The following SCRG1 variants were observed in gnomAD, a reference collection of about 807,000 sequenced individuals.
SCRG1 encodes scrapie-responsive protein 1.
In SCRG1, 3 loss-of-function variants were observed where a neutral mutation model predicts 7.7. The ratio of observed to expected loss-of-function variants is 0.39; its 90% confidence interval spans 0.18 to 1.01. SCRG1 has a LOEUF of 1.01. Among genes scored for constraint, SCRG1 ranks in the 50% least tolerant of loss-of-function variants. The pLI, the probability that SCRG1 is intolerant of heterozygous loss-of-function variation, is 0.36. For missense variants in SCRG1, 110 were observed against 117.2 expected, an observed-to-expected ratio of 0.94 and a Z score of 0.28; for synonymous variants, 46 against 41.2, an observed-to-expected ratio of 1.12 and a Z score of -0.44.
chr4:173,405,132 G>A (rs4696072), intron 1 of SCRG1, among the ~76,000 whole-genome samples: 65,980 of 151,974 alleles, frequency 0.43, 14,961 homozygotes, highest in South Asian at 0.54. Context: ...TTTAGTTGTA[G>A]TGTCTCTTCA....
the SCRG1 span, among the ~76,000 whole-genome samples, chr4:173,424,990 T>G: frequency 1.3e-5 from 2 of 152,092 alleles, no homozygotes; most frequent in Non-Finnish European, 2.9e-5. Context: ...CCAAGCACAA[T>G]AAGATGCTAT....
chr4:173,511,156 C>T, the SCRG1 span, among the ~76,000 whole-genome samples: 1 of 151,976 alleles, frequency 6.6e-6, no homozygotes, highest in African/African-American at 2.4e-5. The surrounding 1 kb of genome is among the most constrained non-coding windows in gnomAD (Gnocchi z 5.2). Context: ...TTAGTAGAGA[C>T]GGGGTGGGGG....
At chr4:173,418,092 A>G in the SCRG1 span, among the ~76,000 whole-genome samples, 1 of 152,190 alleles carries the variant, frequency 6.6e-6, no homozygotes, top group Non-Finnish European at 1.5e-5. Flanking sequence ...TAGATCCCAA[A>G]AAATAAAAGA....
At chr4:173,494,817 C>T in the SCRG1 span, among the ~76,000 whole-genome samples, 1 of 152,302 alleles carries the variant, frequency 6.6e-6, no homozygotes, top group South Asian at 2.1e-4. Flanking sequence ...TTAAGGCAAC[C>T]GTGAATTGCA....
rs1739267211 is a variant in SCRG1 at position 173,387,069 on chromosome 4, TATG to T, written c.*1269_*1271del. 1.3e-5 allele frequency: 2 copies of T among 152,362 alleles called. No homozygotes were observed. The highest frequency in any genetic ancestry group is 3.4e-3 in the Middle Eastern group (1 of 294). The allele number at this position is 152,362 out of a possible 1,614,324, so 9.4% of individuals were successfully genotyped here. On this transcript the variant is annotated 3_prime_UTR_variant, in exon 3 of 3. Coordinates refer to ENST00000296506, the MANE Select transcript of SCRG1 (RefSeq NM_007281.4). Reference sequence around the variant, plus strand: ...CCCTGTTTTATTTACTTTTAAAATGTATGATACTTTTAAATTCTCATCCATTAT... The same window carrying T: ...CCCTGTTTTATTTACTTTTAAAATGTATACTTTTAAATTCTCATCCATTAT...
At chr4:173,410,837 G>C, upstream of SCRG1, among the ~76,000 whole-genome samples, 1 of 152,178 alleles carries the variant, frequency 6.6e-6, no homozygotes, top group East Asian at 1.9e-4. Context: ...AATAGAAAAT[G>C]CTTCTTCGGT....
At chr4:173,460,105 A>G in the SCRG1 span, among the ~76,000 whole-genome samples, 4 of 152,190 alleles carry the variant, frequency 2.6e-5, no homozygotes, top group Non-Finnish European at 4.4e-5. Flanking sequence ...ATATAGAAAA[A>G]AATACCTTCG....
the SCRG1 span, among the ~76,000 whole-genome samples, chr4:173,515,008 G>A: frequency 2.6e-5 from 4 of 152,120 alleles, no homozygotes; most frequent in Non-Finnish European, 5.9e-5. This position sits in a 1 kb window ranked among gnomAD's most constrained non-coding sequence, Gnocchi z 4.6. Flanking sequence ...GTTAACAATA[G>A]GATTTCCAAA....
chr4:173,509,012 C>A, the SCRG1 span, among the ~76,000 whole-genome samples: 115 of 152,332 alleles, frequency 7.5e-4, no homozygotes, highest in African/African-American at 2.7e-3. The surrounding 1 kb of genome is among the most constrained non-coding windows in gnomAD (Gnocchi z 5.7). Flanking sequence ...TGCATCCGAG[C>A]AGCCGGGTGG....
At chr4:173,452,249 A>C in the SCRG1 span, among the ~76,000 whole-genome samples, 1 of 152,054 alleles carries the variant, frequency 6.6e-6, no homozygotes, top group African/African-American at 2.4e-5. Context: ...GAAGAAAAAA[A>C]AAAAGAAAAT....
chr4:173,449,034 G>T, the SCRG1 span, among the ~76,000 whole-genome samples: 1 of 152,240 alleles, frequency 6.6e-6, no homozygotes, highest in African/African-American at 2.4e-5. Flanking sequence ...CACAGAGACA[G>T]GCTGAAGTGG....
the SCRG1 span, among the ~76,000 whole-genome samples, chr4:173,449,865 A>T: frequency 1.3e-5 from 2 of 152,316 alleles, no homozygotes; most frequent in East Asian, 3.9e-4. Flanking sequence ...TGACCCAGGA[A>T]TAGGAATAGG....
the SCRG1 span, among the ~76,000 whole-genome samples, chr4:173,471,470 C>A: frequency 6.6e-6 from 1 of 152,120 alleles, no homozygotes; most frequent in African/African-American, 2.4e-5. Context: ...TTGGAATAAT[C>A]TTGTCTTAAG....
At chr4:173,473,870 A>G in the SCRG1 span, among the ~76,000 whole-genome samples, 1 of 152,184 alleles carries the variant, frequency 6.6e-6, no homozygotes, top group Non-Finnish European at 1.5e-5. Flanking sequence ...TAGAACAACA[A>G]ACACATCTGG....
the SCRG1 span, among the ~76,000 whole-genome samples, chr4:173,483,430 G>GTATATATTATATATTATATCATGA: frequency 1.1e-3 from 2 of 1,768 alleles, no homozygotes; most frequent in East Asian, 0.019. Flanking sequence ...TCATGATATA[G>GTATATATTATATATTATATCATGA]TATATATTAT....
the SCRG1 span, among the ~76,000 whole-genome samples, chr4:173,412,647 T>G: frequency 8.5e-5 from 13 of 152,338 alleles, no homozygotes; most frequent in East Asian, 2.3e-3. Context: ...CTGTGGATGA[T>G]CACATCAGAA....
At chr4:173,465,161 G>A in the SCRG1 span, among the ~76,000 whole-genome samples, 2 of 152,166 alleles carry the variant, frequency 1.3e-5, no homozygotes, top group Non-Finnish European at 2.9e-5. Flanking sequence ...ACTGGAAATA[G>A]ATAGTGGTGA....
At chr4:173,456,116 C>T in the SCRG1 span, among the ~76,000 whole-genome samples, 21 of 152,294 alleles carry the variant, frequency 1.4e-4, no homozygotes, top group East Asian at 1.9e-3. Context: ...CAAGCCTTGA[C>T]ATCACAACCA....
At chr4:173,483,097 C>T in the SCRG1 span, among the ~76,000 whole-genome samples, 4 of 65,536 alleles carry the variant, frequency 6.1e-5, no homozygotes, top group Admixed American at 2.2e-4. Flanking sequence ...ATAATTTATC[C>T]TATATATTAC....
Sources: gnomAD v4.1 joint callset for allele counts (sites outside exome capture counted in the v4.1 genomes callset) on GRCh38, gnomAD v4.1.1 for gene constraint, Gnocchi (gnomAD v3.1) non-coding constraint, MANE v1.5 for transcripts, NCBI Gene and HGNC (gene_info 2026-07-23, HGNC 2026-07-21) for gene names.